The following EIF4ENIF1 variants were observed in gnomAD, a reference collection of about 807,000 sequenced individuals.
EIF4ENIF1 encodes the protein eukaryotic translation initiation factor 4E nuclear import factor 1.
In EIF4ENIF1, 23 loss-of-function variants were observed where a neutral mutation model predicts 110.5. The observed-to-expected ratio is 0.21, with a 90% CI of 0.15 to 0.29. The LOEUF is 0.29. Ranked by LOEUF, EIF4ENIF1 falls within the 10% of genes least tolerant of loss-of-function variation. EIF4ENIF1 has a pLI of 1.00. For synonymous variants in EIF4ENIF1, 440 were observed against 437.0 expected, an observed-to-expected ratio of 1.01 and a Z score of -0.09; for missense variants, 1,031 against 1,221.1, an observed-to-expected ratio of 0.84 and a Z score of 2.32.
At chr22:31,472,637 C>T (rs1334627335) in intron 2 of EIF4ENIF1, among the ~76,000 whole-genome samples, 1 of 152,002 alleles carries the variant, frequency 6.6e-6, no homozygotes, top group Non-Finnish European at 1.5e-5. Flanking sequence ...ATACTATGTA[C>T]CTATTAACAT....
intron 2 of EIF4ENIF1, among the ~76,000 whole-genome samples, chr22:31,478,488 C>T (rs1310429071): frequency 8.3e-6 from 1 of 121,022 alleles, no homozygotes; most frequent in African/African-American, 3.3e-5. Context: ...AGCACTACAG[C>T]ATGGGTGACA....
At chr22:31,455,421 T>C in intron 8 of EIF4ENIF1, 106 bp from the exon 9 acceptor site, 1 of 1,030,514 alleles carries the variant, frequency 9.7e-7, no homozygotes, top group Non-Finnish European at 1.3e-6. Flanking sequence ...TTCTTTGAGA[T>C]GGAGTTTCGC....
chr22:31,464,086 A>C (rs1337847052), intron 4 of EIF4ENIF1, 119 bp from the exon 5 acceptor site: 1 of 1,354,138 alleles, frequency 7.4e-7, no homozygotes, highest in African/African-American at 1.5e-5. Context: ...GTCACCACTA[A>C]AATTGGGCTT....
chr22:31,460,594 A>C (rs1027216178), intron 6 of EIF4ENIF1, among the ~76,000 whole-genome samples: 2 of 150,822 alleles, frequency 1.3e-5, no homozygotes, highest in Non-Finnish European at 2.9e-5. Flanking sequence ...GCACCACTGC[A>C]CTCCAGCCTG....
At chr22:31,482,204 G>C (rs1416418127) in intron 2 of EIF4ENIF1, among the ~76,000 whole-genome samples, 2 of 151,214 alleles carry the variant, frequency 1.3e-5, no homozygotes, top group African/African-American at 2.4e-5. Flanking sequence ...GTTAAACTAA[G>C]ATAATTCAAC....
At chr22:31,463,582 G>T in intron 5 of EIF4ENIF1, 99 bp downstream of exon 5, 1 of 1,200,822 alleles carries the variant, frequency 8.3e-7, no homozygotes, top group Non-Finnish European at 1.1e-6. Context: ...CTGGGCTGAG[G>T]CAGCAGTGAG....
chr22:31,467,296 GCTAT>G (rs2051222571), intron 4 of EIF4ENIF1, among the ~76,000 whole-genome samples: 1 of 152,116 alleles, frequency 6.6e-6, no homozygotes, highest in Non-Finnish European at 1.5e-5. Context: ...CTAGAGCCGG[GCTAT>G]CTTTTTCGTT....
chr22:31,466,602 C>CA (rs2051197453), intron 4 of EIF4ENIF1, among the ~76,000 whole-genome samples: 1 of 131,344 alleles, frequency 7.6e-6, no homozygotes, highest in Admixed American at 9.5e-5. Flanking sequence ...CAAAAAAAAA[C>CA]AAAGCAAATC....
chr22:31,441,749 C>A, intron 17 of EIF4ENIF1, 25 bp downstream of exon 17: 1 of 1,583,916 alleles, frequency 6.3e-7, no homozygotes, highest in Non-Finnish European at 8.6e-7. Flanking sequence ...AAACTGACGA[C>A]ACCCAAGTCA....
At chr22:31,449,869 T>A (rs1476891631) in intron 11 of EIF4ENIF1, among the ~76,000 whole-genome samples, 2 of 152,022 alleles carry the variant, frequency 1.3e-5, no homozygotes, top group Non-Finnish European at 2.9e-5. Flanking sequence ...GAGTTGGGAT[T>A]ACAGGCATGT....
intron 13 of EIF4ENIF1, 80 bp from the exon 14 acceptor site, chr22:31,447,645 A>C (rs776108115): frequency 2.7e-6 from 4 of 1,467,974 alleles, no homozygotes; most frequent in Non-Finnish European, 3.6e-6. Flanking sequence ...CACTCTTAGA[A>C]AGGTATGTTA....
chr22:31,486,426 T>C (rs1222570891), intron 2 of EIF4ENIF1, among the ~76,000 whole-genome samples: 1 of 149,894 alleles, frequency 6.7e-6, no homozygotes, highest in Non-Finnish European at 1.5e-5. Flanking sequence ...ATTGCACCAC[T>C]ACACTCCAGC....
chr22:31,487,720 G>A (rs923760266), intron 2 of EIF4ENIF1, among the ~76,000 whole-genome samples: 2 of 150,790 alleles, frequency 1.3e-5, no homozygotes, highest in Non-Finnish European at 2.9e-5. Flanking sequence ...AGCCCGGGAG[G>A]TCCAGGCTGC....
At chr22:31,441,071 A>G (rs1231583238) in intron 17 of EIF4ENIF1, among the ~76,000 whole-genome samples, 1 of 152,168 alleles carries the variant, frequency 6.6e-6, no homozygotes, top group East Asian at 1.9e-4. Context: ...TATGGCCAAC[A>G]TGGTGAAACC....
chr22:31,456,445 G>C lies in EIF4ENIF1; in HGVS notation c.964-458C>G, dbSNP rs371234075. ...TTACCGTGTTAGCCAGGATGGTCTC[G>C]ATCTCCTGACCTTGTGATCCGCCCG... On this transcript the variant is annotated intron_variant, in intron 7 of 18. Transcript: ENST00000330125. Among the ~76,000 whole-genome samples, 1,447 of 151,782 alleles carry C rather than the reference G, an allele frequency of 9.5e-3. 13 individuals carry two copies. Among genetic ancestry groups the C allele is most frequent in the East Asian group, 0.034 (174 of 5,122 alleles).
At chr22:31,447,872 G>T (rs2050524239) in intron 13 of EIF4ENIF1, among the ~76,000 whole-genome samples, 1 of 152,172 alleles carries the variant, frequency 6.6e-6, no homozygotes, top group African/African-American at 2.4e-5. Context: ...GCTCACGGCA[G>T]TCTCAAACTC....
chr22:31,441,955 T>G lies in EIF4ENIF1; in HGVS notation c.2370A>C (p.Arg790Ser). The change falls in exon 17 of 19, where the codon AGA becomes AGC. Residue 790 changes from arginine to serine, a missense_variant. Physicochemically the swap from Arg to Ser is moderately radical, Grantham distance 110. This residue lies in a region of EIF4ENIF1 where 309 missense variants were observed against 299.1 expected (regional missense o/e 1.03). Coordinates refer to ENST00000330125, the MANE Select transcript of EIF4ENIF1 (RefSeq NM_019843.4). ...CTGGGGATGCCAAGGTGGGTGTTTT[T>G]CTCCCAGTTGCTTTAGGTCGATAAT... Reference protein sequence around the residue: ...EQDYRPKATGRKTPTLASPVP... With the variant: ...EQDYRPKATGSKTPTLASPVP... 1.9e-6 allele frequency: 3 copies of G among 1,614,170 alleles called. No individual in the cohort carries two copies. Among genetic ancestry groups the G allele is most frequent in the Non-Finnish European group, 2.5e-6 (3 of 1,180,038 alleles).
At chr22:31,485,551 G>T (rs1385062413) in intron 2 of EIF4ENIF1, among the ~76,000 whole-genome samples, 2 of 152,182 alleles carry the variant, frequency 1.3e-5, no homozygotes, top group Non-Finnish European at 2.9e-5. Context: ...ACTGGAAAGG[G>T]TGGGTGTGGT....
intron 7 of EIF4ENIF1, among the ~76,000 whole-genome samples, chr22:31,456,430 A>G (rs572733958): frequency 0.013 from 2,028 of 151,824 alleles, 27 homozygotes; most frequent in Non-Finnish European, 0.021. Flanking sequence ...TTACCGTGTT[A>G]GCCAGGATGG....
Sources: allele counts gnomAD v4.1 joint callset (sites outside exome capture counted in the v4.1 genomes callset), GRCh38; gene constraint gnomAD v4.1.1; regional missense constraint gnomAD v4.1.1; transcripts MANE v1.5; gene names NCBI Gene and HGNC (gene_info 2026-07-23, HGNC 2026-07-21).